Variants in LEPR observed in about 807,000 individuals in gnomAD.
LEPR encodes the protein OB receptor.
A neutral mutation model predicts 114.7 loss-of-function variants in LEPR; 56 were observed. The observed-to-expected ratio is 0.49, with a 90% confidence interval of 0.39 to 0.61. LEPR has a LOEUF of 0.61. Among genes scored for constraint, LEPR ranks in the 20% least tolerant of loss-of-function variants. The pLI is 0.00. For missense variants in LEPR, 1,202 were observed against 1,352.9 expected, an observed-to-expected ratio of 0.89 and a Z score of 1.75; for synonymous variants, 443 against 461.4, an observed-to-expected ratio of 0.96 and a Z score of 0.51.
At chr1:65,542,473 TTA>T (rs1329277915) in intron 2 of LEPR, among the ~76,000 whole-genome samples, 4 of 151,804 alleles carry the variant, frequency 2.6e-5, no homozygotes, top group Admixed American at 6.6e-5. Context: ...TTTTTTTTTT[TTA>T]AATTGTACTT....
Position 65,627,327 on chromosome 1 carries a change from G to A in LEPR, c.2673+4346G>A, listed in dbSNP as rs114112821. Reference sequence around the variant, plus strand: ...AAAAATGGGCAAATGATGTGAATAGGCATTTCTCCAAAGAAGATACACAAA... The same window carrying A: ...AAAAATGGGCAAATGATGTGAATAGACATTTCTCCAAAGAAGATACACAAA... On this transcript the variant is annotated intron_variant, in intron 19 of 19. Transcript: ENST00000349533. Among the ~76,000 whole-genome samples the A allele has an allele frequency of 3.2e-3, 486 of 152,252 alleles. 2 individuals are homozygous for A. Among genetic ancestry groups the A allele is most frequent in the African/African-American group, 0.011 (468 of 41,556 alleles).
At chr1:65,480,169 T>C (rs1288800426) in intron 2 of LEPR, among the ~76,000 whole-genome samples, 1 of 152,046 alleles carries the variant, frequency 6.6e-6, no homozygotes, top group African/African-American at 2.4e-5. Context: ...ACCTGGAGCT[T>C]TAATAGGTCT....
chr1:65,531,554 G>A (rs1015464126), intron 2 of LEPR, among the ~76,000 whole-genome samples: 3 of 150,290 alleles, frequency 2.0e-5, no homozygotes, highest in Admixed American at 2.0e-4. Flanking sequence ...ACTAGAATGT[G>A]AACTCCACAA....
chr1:65,512,527 G>A (rs1649086917), intron 2 of LEPR, among the ~76,000 whole-genome samples: 1 of 152,112 alleles, frequency 6.6e-6, no homozygotes, highest in Non-Finnish European at 1.5e-5. Context: ...ATCCCAGAAT[G>A]GTGCTGGAGA....
intron 4 of LEPR, 131 bp from the exon 5 acceptor site, chr1:65,572,195 T>G: frequency 5.0e-6 from 6 of 1,205,874 alleles, no homozygotes; most frequent in Non-Finnish European, 6.7e-6. Flanking sequence ...TCTCTCAGAA[T>G]AGGCAATGGA....
chr1:65,578,028 C>A (rs554974870), intron 5 of LEPR, among the ~76,000 whole-genome samples: 1 of 151,248 alleles, frequency 6.6e-6, no homozygotes, highest in East Asian at 1.9e-4. Flanking sequence ...TCTCATTGTT[C>A]AACTCCCACT....
intron 2 of LEPR, among the ~76,000 whole-genome samples, chr1:65,475,274 C>T (rs1284730477): frequency 6.6e-6 from 1 of 152,172 alleles, no homozygotes; most frequent in Non-Finnish European, 1.5e-5. Flanking sequence ...CTGCTCTCCT[C>T]TGGAGGCAGC....
At chr1:65,457,691 T>C (rs968111890) in intron 2 of LEPR, among the ~76,000 whole-genome samples, 22 of 152,202 alleles carry the variant, frequency 1.4e-4, no homozygotes, top group African/African-American at 5.3e-4. Context: ...GAGTCTTCAT[T>C]GTCTATAATT....
chr1:65,479,268 AT>A (rs111865229), intron 2 of LEPR, among the ~76,000 whole-genome samples: 10 of 151,308 alleles, frequency 6.6e-5, no homozygotes, highest in African/African-American at 1.5e-4. Flanking sequence ...TACAGGACAT[AT>A]TTTTTTTTAC....
chr1:65,489,914 C>T (rs1210637726), intron 2 of LEPR, among the ~76,000 whole-genome samples: 1 of 151,758 alleles, frequency 6.6e-6, no homozygotes, highest in Non-Finnish European at 1.5e-5. Context: ...TTTTTCATAC[C>T]CCAAATGCCA....
intron 19 of LEPR, among the ~76,000 whole-genome samples, chr1:65,625,504 A>G (rs991985351): frequency 7.2e-5 from 11 of 151,994 alleles, no homozygotes; most frequent in Admixed American, 3.3e-4. Context: ...TTTTTTGTAC[A>G]AATTTATGGG....
At chr1:65,586,817 A>T (rs1655348431) in intron 5 of LEPR, among the ~76,000 whole-genome samples, 1 of 152,038 alleles carries the variant, frequency 6.6e-6, no homozygotes, top group Non-Finnish European at 1.5e-5. Flanking sequence ...CTTTTTTAAA[A>T]ACCAACAAAC....
chr1:65,602,307 TAAA>T, intron 10 of LEPR, among the ~76,000 whole-genome samples: 1 of 152,126 alleles, frequency 6.6e-6, no homozygotes, highest in South Asian at 2.1e-4. Context: ...TGAAAGATTA[TAAA>T]AGTTTCGTAT....
intron 2 of LEPR, among the ~76,000 whole-genome samples, chr1:65,468,436 A>G (rs750305250): frequency 1.3e-4 from 20 of 152,166 alleles, no homozygotes; most frequent in Non-Finnish European, 2.4e-4. Flanking sequence ...TCTCTTAGCA[A>G]CTCTTCTGTG....
chr1:65,628,471 A>G (rs1002524306), intron 19 of LEPR, among the ~76,000 whole-genome samples: 1 of 152,158 alleles, frequency 6.6e-6, no homozygotes, highest in African/African-American at 2.4e-5. Context: ...TAGTTTGTGC[A>G]TTTATACTTT....
At chr1:65,459,336 C>G (rs147688619) in intron 2 of LEPR, among the ~76,000 whole-genome samples, 141 of 152,214 alleles carry the variant, frequency 9.3e-4, no homozygotes, top group Non-Finnish European at 1.5e-3. Flanking sequence ...GCTGGAAAGA[C>G]TAGCTGGGAA....
intron 2 of LEPR, among the ~76,000 whole-genome samples, chr1:65,489,439 T>A (rs980041695): frequency 6.6e-6 from 1 of 152,172 alleles, no homozygotes; most frequent in Non-Finnish European, 1.5e-5. Context: ...TTATTACAGA[T>A]GTTTTGCCCA....
At chr1:65,572,295 T>A (rs762423456) in intron 4 of LEPR, 31 bp from the exon 5 acceptor site, 23 of 1,360,560 alleles carry the variant, frequency 1.7e-5, no homozygotes, top group Non-Finnish European at 2.1e-5. Flanking sequence ...TAGTTGTTTT[T>A]TTTTTTTTTT....
At chr1:65,589,116 A>G (rs1209078817) in intron 5 of LEPR, among the ~76,000 whole-genome samples, 1 of 152,032 alleles carries the variant, frequency 6.6e-6, no homozygotes, top group Non-Finnish European at 1.5e-5. Context: ...CCATTCTAGT[A>G]TGTGGATAGT....
Sources: gnomAD v4.1 joint callset for allele counts (sites outside exome capture counted in the v4.1 genomes callset) on GRCh38, gnomAD v4.1.1 for gene constraint, MANE v1.5 for transcripts, NCBI Gene and HGNC (gene_info 2026-07-23, HGNC 2026-07-21) for gene names.